Variants in GUCY1A2 observed in about 807,000 individuals in gnomAD.
GUCY1A2 encodes guanylate cyclase 1 soluble subunit alpha 2.
Under a neutral mutation model 63.5 loss-of-function variants are expected in GUCY1A2, and 27 were observed. The observed-to-expected ratio is 0.43, with a 90% CI of 0.31 to 0.59. The LOEUF (loss-of-function observed/expected upper bound fraction) is 0.59. Ranked by LOEUF, GUCY1A2 falls within the 20% of genes least tolerant of loss-of-function variation. The probability of loss-of-function intolerance (pLI) is 0.11; values close to 1 mark genes in which losing one functional copy is unlikely to be tolerated. For synonymous variants in GUCY1A2, 364 were observed against 343.5 expected (o/e 1.06, Z -0.66); for missense variants, 768 against 913.3 (o/e 0.84, Z 2.05).
chr11:106,991,024 C>G (rs183569243), intron 1 of GUCY1A2, among the ~76,000 whole-genome samples: 268 of 152,282 alleles, frequency 1.8e-3, no homozygotes, highest in Middle Eastern at 0.01. Flanking sequence ...GACTCTTGCT[C>G]TGTCGCCCAA....
chr11:106,743,287 A>C (rs1227276486), intron 6 of GUCY1A2, among the ~76,000 whole-genome samples: 2 of 152,164 alleles, frequency 1.3e-5, no homozygotes, highest in Non-Finnish European at 2.9e-5. Flanking sequence ...TTCCCGCTTG[A>C]AAAAGGTCAC....
chr11:106,848,051 G>A (rs905535632), intron 4 of GUCY1A2, among the ~76,000 whole-genome samples: 1 of 151,482 alleles, frequency 6.6e-6, no homozygotes. Context: ...AGATCTGTGG[G>A]CCCAATGAAG....
intron 1 of GUCY1A2, among the ~76,000 whole-genome samples, chr11:106,986,749 C>T (rs1259994145): frequency 6.6e-6 from 1 of 152,100 alleles, no homozygotes; most frequent in Admixed American, 6.5e-5. Flanking sequence ...CCATGACTGT[C>T]ACAGCAGTCA....
chr11:106,805,412 A>G (rs1858669572), intron 5 of GUCY1A2, among the ~76,000 whole-genome samples: 2 of 151,890 alleles, frequency 1.3e-5, no homozygotes, highest in African/African-American at 4.8e-5. Context: ...TGCCTGGCTA[A>G]TTTTTGTATT....
intron 3 of GUCY1A2, among the ~76,000 whole-genome samples, chr11:106,947,089 T>G (rs1591338599): frequency 6.6e-6 from 1 of 151,746 alleles, no homozygotes; most frequent in Admixed American, 6.6e-5. Context: ...CAGTGGCAGG[T>G]TCCTGTAATC....
chr11:106,832,728 A>G (rs979032240), intron 4 of GUCY1A2, among the ~76,000 whole-genome samples: 1 of 152,160 alleles, frequency 6.6e-6, no homozygotes, highest in Non-Finnish European at 1.5e-5. Flanking sequence ...TTAAAATAAT[A>G]AATGAACCTA....
intron 4 of GUCY1A2, among the ~76,000 whole-genome samples, chr11:106,855,905 ATTTAT>A (rs1216703640): frequency 1.4e-4 from 12 of 88,680 alleles, no homozygotes; most frequent in East Asian, 1.1e-3. Context: ...TTATTTATTT[ATTTAT>A]TTATTTATTT....
intron 6 of GUCY1A2, among the ~76,000 whole-genome samples, chr11:106,758,236 A>G (rs1055066318): frequency 9.9e-5 from 15 of 152,200 alleles, no homozygotes; most frequent in African/African-American, 3.4e-4. Flanking sequence ...CTGCTGCACT[A>G]GCAGTGAGAA....
chr11:106,949,003 A>G (rs547966387), intron 3 of GUCY1A2, among the ~76,000 whole-genome samples: 4 of 152,318 alleles, frequency 2.6e-5, no homozygotes, highest in Admixed American at 1.3e-4. Flanking sequence ...ATGTAAAAAG[A>G]TGCTTGATTT....
At chr11:106,824,780 G>A in intron 4 of GUCY1A2, 3 of 1,555,306 alleles carry the variant, frequency 1.9e-6, no homozygotes, top group Admixed American at 2.2e-5. Flanking sequence ...CAAGGTGCTT[G>A]CTTTGTTATT....
At position 107,017,892 on chromosome 11, in the gene GUCY1A2, G is replaced by A; in HGVS notation, c.164C>T (p.Ala55Val). ...PLEPSPAAAA[A>V]AAAPAPTPAA... ...CGGGGTCGGGGCCGGGGCGGCGGCA[G>A]CGGCAGCTGCGGCCGGGCTGGGCTC... Residue 55 changes from alanine (A) to valine (V), a missense_variant, in exon 1 of 8, where the codon GCT becomes GTT. Coordinates refer to ENST00000526355, the MANE Select transcript of GUCY1A2 (RefSeq NM_000855.3). The A allele has an allele frequency of 2.4e-6, 3 of 1,245,964 alleles. No individual in the cohort carries two copies. The highest frequency in any genetic ancestry group is 3.7e-5 in the South Asian group (1 of 27,012). The allele number at this position is 1,245,964 out of a possible 1,614,324, so 77.2% of individuals were successfully genotyped here. A position where few individuals can be genotyped will look rare whatever the true frequency, so the allele number is the denominator to read the frequency against.
intron 1 of GUCY1A2, among the ~76,000 whole-genome samples, chr11:106,993,857 G>A (rs111833060): frequency 4.6e-5 from 7 of 152,094 alleles, no homozygotes; most frequent in African/African-American, 1.7e-4. Context: ...CAGCTTTATA[G>A]GAAGGTAGGA....
At chr11:106,862,329 TAA>T (rs11309221) in intron 4 of GUCY1A2, among the ~76,000 whole-genome samples, 1 of 151,820 alleles carries the variant, frequency 6.6e-6, no homozygotes, top group African/African-American at 2.4e-5. Flanking sequence ...GAATGAGATA[TAA>T]AAAAAACACA....
intron 4 of GUCY1A2, among the ~76,000 whole-genome samples, chr11:106,859,020 C>A (rs1859473515): frequency 6.6e-6 from 1 of 152,034 alleles, no homozygotes; most frequent in East Asian, 1.9e-4. Flanking sequence ...AATCTGAAAA[C>A]TGTAAATTAA....
intron 4 of GUCY1A2, among the ~76,000 whole-genome samples, chr11:106,909,824 A>G (rs1014682457): frequency 3.3e-5 from 5 of 151,994 alleles, no homozygotes; most frequent in African/African-American, 1.2e-4. Flanking sequence ...ATTCCAGTAT[A>G]GGTTTTTGTA....
chr11:106,708,793 G>T, intron 6 of GUCY1A2, 127 bp from the exon 7 acceptor site: 1 of 537,612 alleles, frequency 1.9e-6, no homozygotes, highest in South Asian at 4.7e-5. Flanking sequence ...TCAAAGACAG[G>T]AACTGAGTCC....
intron 4 of GUCY1A2, among the ~76,000 whole-genome samples, chr11:106,928,740 G>A (rs1219078678): frequency 1.3e-5 from 2 of 152,160 alleles, no homozygotes; most frequent in African/African-American, 4.8e-5. Flanking sequence ...TATACAGTAT[G>A]TGACTATCCT....
chr11:106,824,963 ATG>A, intron 4 of GUCY1A2: 2 of 1,612,960 alleles, frequency 1.2e-6, no homozygotes, highest in South Asian at 2.2e-5. Flanking sequence ...CCTGACATGA[ATG>A]TTACTAAATT....
At chr11:106,689,852 G>A (rs973139866) in intron 7 of GUCY1A2, among the ~76,000 whole-genome samples, 19 of 151,938 alleles carry the variant, frequency 1.3e-4, no homozygotes, top group South Asian at 8.3e-4. Context: ...AAAATTAGCC[G>A]GGCATGTTGG....
Sources: allele counts gnomAD v4.1 joint callset (sites outside exome capture counted in the v4.1 genomes callset), GRCh38; gene constraint gnomAD v4.1.1; transcripts MANE v1.5; gene names NCBI Gene and HGNC (gene_info 2026-07-23, HGNC 2026-07-21).